ABCA13: variants seen among roughly 807,000 people sequenced by gnomAD.
ABCA13 encodes ATP binding cassette subfamily A member 13.
Under a neutral mutation model 478.7 loss-of-function variants are expected in ABCA13, and 476 were observed. That is an observed-to-expected ratio of 0.99 (90% CI 0.92 to 1.07). ABCA13 has a LOEUF of 1.07. Among genes scored for constraint, ABCA13 ranks in the 50% least tolerant of loss-of-function variants. The probability of loss-of-function intolerance (pLI) is 0.00; values close to 1 mark genes in which losing one functional copy is unlikely to be tolerated. For missense variants in ABCA13, 6,060 were observed against 5,910.6 expected (o/e 1.03, Z -0.83); for synonymous variants, 2,252 against 2,158.9 (o/e 1.04, Z -1.20).
rs533724996 is a variant in ABCA13, at chr7:48,255,368, A to G, written c.2005+6017A>G. Among the ~76,000 whole-genome samples the G allele has an allele frequency of 5.9e-5, 9 of 152,312 alleles. No individual in the cohort carries two copies. The South Asian group carries it at 1.7e-3, about 28-fold the overall frequency. ...CTATAAATAAGTTTCATAATATTAA[A>G]GGAATTAATACTTAAGACAGTATGT... On this transcript the variant is annotated intron_variant, in intron 15 of 61. Coordinates refer to ENST00000435803, the MANE Select transcript of ABCA13 (RefSeq NM_152701.5).
At position 48,245,990 on chromosome 7, in the gene ABCA13, C is replaced by T. The variant is rs199762385; in HGVS notation, c.1619C>T (p.Thr540Met). ...GLLCYCNSSETSVLNKLLGSV... is the reference protein window; with the variant it reads ...GLLCYCNSSEMSVLNKLLGSV... ...TTGTGCTATTGTAACTCCTCTGAGA[C>T]GAGTGTTTTAAACAAGCTACTTGGT... The change falls in exon 13 of 62, where the codon ACG becomes ATG. Residue 540 changes from threonine (T) to methionine (M), a missense_variant. Transcript: ENST00000435803. 1.6e-5 allele frequency: 26 copies of T among 1,613,492 alleles called. No individual in the cohort carries two copies. Among genetic ancestry groups the T allele is most frequent in the East Asian group, 2.2e-5 (1 of 44,872 alleles).
At chr7:48,381,724 G>A (rs1049479948) in intron 35 of ABCA13, among the ~76,000 whole-genome samples, 1 of 152,082 alleles carries the variant, frequency 6.6e-6, no homozygotes, top group Non-Finnish European at 1.5e-5. Context: ...AGTTTTGGGG[G>A]GCAATGCTGA....
At position 48,410,601 on chromosome 7, in the gene ABCA13, G is replaced by A; in HGVS notation, c.12152G>A (p.Arg4051Lys). 1 of 1,614,058 alleles carries A rather than the reference G, an allele frequency of 6.2e-7. No individual in the cohort carries two copies. The highest frequency in any genetic ancestry group is 8.5e-7 in the Non-Finnish European group (1 of 1,179,904). Residue 4051 changes from arginine (R) to lysine (K), a missense_variant, in exon 40 of 62, where the codon AGG becomes AAG. Coordinates refer to ENST00000435803, the MANE Select transcript of ABCA13 (RefSeq NM_152701.5). ...SDRVAVLQHGRLRCCGPPFCL... is the reference protein window; with the variant it reads ...SDRVAVLQHGKLRCCGPPFCL... Reference sequence around the variant, plus strand: ...CGCGTGGCCGTCCTCCAGCATGGGAGGCTCAGGTGCTGCGGTCCTCCCTTC... The same window carrying A: ...CGCGTGGCCGTCCTCCAGCATGGGAAGCTCAGGTGCTGCGGTCCTCCCTTC...
intron 29 of ABCA13, among the ~76,000 whole-genome samples, chr7:48,344,459 A>G (rs1807738383): frequency 6.6e-6 from 1 of 152,218 alleles, no homozygotes; most frequent in South Asian, 2.1e-4. Context: ...CCTCAGGTAT[A>G]TACACTGAAT....
intron 30 of ABCA13, 83 bp downstream of exon 30, chr7:48,350,902 C>G: frequency 7.4e-7 from 1 of 1,351,200 alleles, no homozygotes; most frequent in Non-Finnish European, 1.0e-6. Flanking sequence ...CTAAAGGTGT[C>G]TTATGATAGC....
chr7:48,239,479 C>T (rs759726634), intron 9 of ABCA13, 74 bp downstream of exon 9: 20 of 1,471,026 alleles, frequency 1.4e-5, no homozygotes, highest in Admixed American at 2.3e-5. Context: ...TCCTCCCCTG[C>T]CCTGCCATGT....
At chr7:48,395,205 G>A (rs916705522) in intron 38 of ABCA13, among the ~76,000 whole-genome samples, 5 of 152,188 alleles carry the variant, frequency 3.3e-5, no homozygotes, top group African/African-American at 4.8e-5. Context: ...TACGATGGCC[G>A]TCTAATGATG....
intron 56 of ABCA13, among the ~76,000 whole-genome samples, chr7:48,585,719 A>T (rs868628461): frequency 1.3e-5 from 2 of 152,166 alleles, no homozygotes; most frequent in Non-Finnish European, 2.9e-5. Context: ...TTTTAGTCCT[A>T]TAGAATTTTT....
Position 48,245,873 on chromosome 7 carries a change from A to G in ABCA13, c.1502A>G (p.Lys501Arg), listed in dbSNP as rs986456358. ...FFWELKQMLA[K>R]NAVCPNGRFS... ...TTATTAATCTTTTAGATGTTGGCGAAGAATGCTGTCTGCCCGAATGGTCGT... is the reference window on the plus strand; with the variant it reads ...TTATTAATCTTTTAGATGTTGGCGAGGAATGCTGTCTGCCCGAATGGTCGT... Residue 501 changes from lysine to arginine, a missense_variant, in exon 13 of 62, where the codon AAG becomes AGG. By Grantham distance (26) the Lys-to-Arg change is conservative (BLOSUM62 2). Around this residue, in one of 3 missense-constraint regions of ABCA13, gnomAD observed 4,423 missense variants for 4,309.1 expected, o/e 1.03. Coordinates refer to ENST00000435803, the MANE Select transcript of ABCA13 (RefSeq NM_152701.5). 2.5e-6 allele frequency: 4 copies of G among 1,612,212 alleles called. No homozygotes were observed. Among genetic ancestry groups the G allele is most frequent in the Non-Finnish European group, 3.4e-6 (4 of 1,179,030 alleles).
At chr7:48,306,786 A>C (rs1327251028) in intron 23 of ABCA13, among the ~76,000 whole-genome samples, 4 of 152,240 alleles carry the variant, frequency 2.6e-5, no homozygotes, top group African/African-American at 9.6e-5. Flanking sequence ...TTTGTGTGTC[A>C]ACTTGGTTAG....
chr7:48,332,735 C>A (rs1034910118), intron 27 of ABCA13, among the ~76,000 whole-genome samples: 1 of 152,110 alleles, frequency 6.6e-6, no homozygotes, highest in Non-Finnish European at 1.5e-5. Context: ...AATGACAATT[C>A]TTTTCTTACG....
Position 48,427,765 on chromosome 7 carries a change from G to T in ABCA13, c.12460-1G>T, listed in dbSNP as rs772919140. The stretch of plus-strand genomic sequence containing the variant: ...ACATGGCGTTTTTTTTTCTCCGAAA[G>T]GTGTTTTTGATGCTTTTGCAAGATT... On this transcript the variant is annotated splice_acceptor_variant, in intron 41 of 61. Transcript: ENST00000435803. LOFTEE classifies it high-confidence loss of function. The T allele has an allele frequency of 8.1e-6, 13 of 1,601,494 alleles. No homozygotes were observed. The highest frequency in any genetic ancestry group is 1.1e-5 in the Non-Finnish European group (13 of 1,170,452).
intron 30 of ABCA13, among the ~76,000 whole-genome samples, chr7:48,351,325 T>A (rs1267765015): frequency 6.6e-6 from 1 of 152,258 alleles, no homozygotes; most frequent in Non-Finnish European, 1.5e-5. Flanking sequence ...ACACATTGAA[T>A]TATTTTTAAT....
At chr7:48,291,800 C>T (rs778460694) in intron 20 of ABCA13, among the ~76,000 whole-genome samples, 7 of 152,270 alleles carry the variant, frequency 4.6e-5, no homozygotes, top group South Asian at 2.1e-4. Context: ...CTGCTCAGTC[C>T]GTCAACCTTC....
chr7:48,634,894 A>G (rs999222752), intron 59 of ABCA13, among the ~76,000 whole-genome samples: 1 of 152,098 alleles, frequency 6.6e-6, no homozygotes, highest in South Asian at 2.1e-4. Flanking sequence ...TCGTTGTTTT[A>G]CCCACACGCA....
chr7:48,554,439 A>C (rs544797510), intron 55 of ABCA13, among the ~76,000 whole-genome samples: 2 of 152,114 alleles, frequency 1.3e-5, no homozygotes, highest in South Asian at 4.1e-4. Context: ...AACAATATTG[A>C]TTCTTCCAAT....
At chr7:48,477,441 G>A (rs937282740) in intron 45 of ABCA13, among the ~76,000 whole-genome samples, 6 of 151,912 alleles carry the variant, frequency 3.9e-5, no homozygotes, top group African/African-American at 9.7e-5. Context: ...ACATGCACAC[G>A]TATGTTTATT....
intron 27 of ABCA13, among the ~76,000 whole-genome samples, chr7:48,324,799 G>A (rs559370608): frequency 5.3e-5 from 8 of 152,286 alleles, no homozygotes; most frequent in South Asian, 2.1e-4. Flanking sequence ...CCTTGGGAAC[G>A]TTCCAGAGCA....
intron 59 of ABCA13, among the ~76,000 whole-genome samples, chr7:48,618,304 T>C (rs1349822042): frequency 2.6e-5 from 4 of 152,196 alleles, no homozygotes; most frequent in Admixed American, 6.5e-5. Context: ...CCTTGGTACA[T>C]GCACTTCACC....
Sources: allele counts gnomAD v4.1 joint callset (sites outside exome capture counted in the v4.1 genomes callset), GRCh38; gene constraint gnomAD v4.1.1; regional missense constraint gnomAD v4.1.1; transcripts MANE v1.5; gene names NCBI Gene and HGNC (gene_info 2026-07-23, HGNC 2026-07-21).